DPH1: variants seen among roughly 807,000 people sequenced by gnomAD.
DPH1 encodes the protein 2-(3-amino-3-carboxypropyl)histidine synthase subunit 1.
In DPH1, 59 loss-of-function variants were observed where a neutral mutation model predicts 55.3. The observed-to-expected ratio is 1.07, with a 90% CI of 0.87 to 1.33. DPH1 has a LOEUF of 1.33. Among genes scored for constraint, DPH1 ranks in the 40% most tolerant of loss-of-function variants. The probability of loss-of-function intolerance (pLI) is 0.00; values close to 1 mark genes in which losing one functional copy is unlikely to be tolerated. For missense variants in DPH1, 628 were observed against 584.8 expected, an observed-to-expected ratio of 1.07 and a Z score of -0.76; for synonymous variants, 238 against 235.5, an observed-to-expected ratio of 1.01 and a Z score of -0.10.
rs1183479654 is a variant in DPH1 at position 2,041,162 on chromosome 17, C to G, written c.1067C>G (p.Pro356Arg). Residue 356 changes from proline (P) to arginine (R), a missense_variant, in exon 10 of 13, where the codon CCG becomes CGG. Physicochemically the swap from Pro to Arg is moderately radical, Grantham distance 103. Transcript: ENST00000263083. ...SIDWGTAFPK[P>R]LLTPYEAAVA... ...GACTGGGGCACAGCCTTCCCCAAGCCGCTGCTGACACCCTATGAGGTAACA... is the reference window on the plus strand; with the variant it reads ...GACTGGGGCACAGCCTTCCCCAAGCGGCTGCTGACACCCTATGAGGTAACA... 1 of 1,605,976 alleles carries G rather than the reference C, an allele frequency of 6.2e-7. No homozygotes were observed. Among genetic ancestry groups the G allele is most frequent in the African/African-American group, 1.3e-5 (1 of 74,970 alleles).
At chr17:2,037,057 C>A in intron 6 of DPH1, 101 bp downstream of exon 6, 1 of 1,495,414 alleles carries the variant, frequency 6.7e-7, no homozygotes, top group Non-Finnish European at 8.9e-7. Context: ...ATCTAATGCT[C>A]CTTACCTGTG....
At chr17:2,035,722 A>C (rs1247696633) in intron 3 of DPH1, among the ~76,000 whole-genome samples, 1 of 151,998 alleles carries the variant, frequency 6.6e-6, no homozygotes, top group Admixed American at 6.5e-5. Context: ...TCCCTCCTGC[A>C]GCCTGAGCCT....
chr17:2,041,289 G>A (rs2067517986), intron 10 of DPH1, 108 bp downstream of exon 10: 1 of 1,480,788 alleles, frequency 6.8e-7, no homozygotes, highest in Non-Finnish European at 9.2e-7. Context: ...CGTAGATTCC[G>A]GAGTCTGTCT....
intron 3 of DPH1, 141 bp from the exon 4 acceptor site, chr17:2,035,829 A>G (rs960987626): frequency 3.6e-5 from 47 of 1,314,874 alleles, no homozygotes; most frequent in Non-Finnish European, 4.8e-5. Flanking sequence ...CTTTGTTGGC[A>G]GAAGTGGCAG....
At position 2,033,874 on chromosome 17, in the gene DPH1, G is replaced by A. The variant is rs756942666; in HGVS notation, c.278+32G>A. 6.2e-6 allele frequency: 10 copies of A among 1,612,876 alleles called. 1 individual carries two copies. The highest frequency in any genetic ancestry group is 4.2e-6 in the Non-Finnish European group (5 of 1,179,662). On this transcript the variant is annotated intron_variant, in intron 3 of 12. Transcript: ENST00000263083. Reference sequence around the variant, plus strand: ...CTTGGGGCACTGGAGAGGAGGGTGAGCCAGGCTTCCCCCACCCCCTATGCT... The same window carrying A: ...CTTGGGGCACTGGAGAGGAGGGTGAACCAGGCTTCCCCCACCCCCTATGCT...
At chr17:2,042,092 C>T in intron 12 of DPH1, 1 of 1,568,106 alleles carries the variant, frequency 6.4e-7, no homozygotes. Flanking sequence ...TGGCGGGCTT[C>T]CGGCAGAGCG....
Position 2,042,170 on chromosome 17 carries a change from C to T in DPH1, c.*18+295C>T, listed in dbSNP as rs1279859097. The stretch of plus-strand genomic sequence containing the variant: ...TGCGGGGTCGCGCCGAGCTCGTGTG[C>T]CTCAGCGGCCCGCACCCGGTCCCCG... On this transcript the variant is annotated intron_variant, in intron 12 of 12. Transcript: ENST00000263083. 2.7e-6 allele frequency: 4 copies of T among 1,462,618 alleles called. No individual in the cohort carries two copies. The South Asian group carries it at 5.4e-5, about 20-fold the overall frequency. 90.6% of individuals were successfully genotyped at this position (1,462,618 alleles called of 1,614,324 possible). A position where few individuals can be genotyped will look rare whatever the true frequency, so the allele number is the denominator to read the frequency against.
chr17:2,036,463 GAGC>G lies in DPH1; in HGVS notation c.401-65_401-63del. ...ACTGCGCCTGGCTGCTCAGAGACCT[GAGC>G]CTGGCCGGGCCCTCTGCTGCTCCTG... On this transcript the variant is annotated intron_variant, in intron 4 of 12. Coordinates refer to ENST00000263083, the MANE Select transcript of DPH1 (RefSeq NM_001383.6). The surrounding 1 kb of genome is among the most constrained non-coding windows in gnomAD (Gnocchi z 4.8). The G allele has an allele frequency of 6.3e-7, 1 of 1,590,038 alleles. No individual in the cohort carries two copies.
intron 1 of DPH1, among the ~76,000 whole-genome samples, chr17:2,032,672 G>A (rs2067346422): frequency 6.6e-6 from 1 of 152,226 alleles, no homozygotes. Flanking sequence ...AAGGCACCAA[G>A]CAGGGAGACT....
At position 2,043,230 on chromosome 17, in the gene DPH1, C is replaced by T. The variant is rs189339345; in HGVS notation, c.*644C>T. The T allele has an allele frequency of 1.9e-5, 23 of 1,217,118 alleles. No homozygotes were observed. The highest frequency in any genetic ancestry group is 2.6e-5 in the Non-Finnish European group (23 of 878,174). 75.4% of individuals were successfully genotyped at this position (1,217,118 alleles called of 1,614,324 possible). On this transcript the variant is annotated 3_prime_UTR_variant, in exon 13 of 13. Coordinates refer to ENST00000263083, the MANE Select transcript of DPH1 (RefSeq NM_001383.6). ...CTCACCAGAACCAGTTAAGAGACAA[C>T]TATCAATTCTTGAGACCCAAATTAT...
chr17:2,041,681 CGA>C, intron 11 of DPH1, 60 bp downstream of exon 11: 1 of 1,576,716 alleles, frequency 6.3e-7, no homozygotes, highest in Non-Finnish European at 8.6e-7. Context: ...CGCCGCCCTG[CGA>C]CCGCGACGGG....
At position 2,036,009 on chromosome 17, in the gene DPH1, C is replaced by G. The variant is rs1379495464; in HGVS notation, c.318C>G (p.Thr106=). The G allele has an allele frequency of 6.2e-7, 1 of 1,613,982 alleles. No homozygotes were observed. Among genetic ancestry groups the G allele is most frequent in the Non-Finnish European group, 8.5e-7 (1 of 1,179,934 alleles). Residue 106 remains threonine, a synonymous_variant, in exon 4 of 13, where the codon ACC becomes ACG. Coordinates refer to ENST00000263083, the MANE Select transcript of DPH1 (RefSeq NM_001383.6). The surrounding 1 kb of genome is among the most constrained non-coding windows in gnomAD (Gnocchi z 4.8). ...AAGTGATGGTGATGGGTGACGTGAC[C>G]TACGGGGCTTGCTGTGTGGATGACT... ...EAEVMVMGDV[T]YGACCVDDFT... is the part of the protein sequence containing the mutation.
At chr17:2,037,213 G>T (rs1367590266) in intron 6 of DPH1, 8 of 384,544 alleles carry the variant, frequency 2.1e-5, no homozygotes, top group Non-Finnish European at 3.2e-5. Context: ...TTGAGGGTGG[G>T]CTGGAAATGG....
intron 1 of DPH1, 103 bp from the exon 2 acceptor site, chr17:2,033,402 C>T: frequency 6.4e-7 from 1 of 1,572,172 alleles, no homozygotes; most frequent in Non-Finnish European, 8.6e-7. Flanking sequence ...TATTTCTATG[C>T]TTGAGCGGGG....
At chr17:2,037,044 C>G in intron 6 of DPH1, 88 bp downstream of exon 6, 5 of 1,525,924 alleles carry the variant, frequency 3.3e-6, no homozygotes, top group Non-Finnish European at 4.4e-6. Context: ...GGAAAGAAAC[C>G]AAATCTAATG....
intron 9 of DPH1, 158 bp downstream of exon 9, chr17:2,040,763 C>G: frequency 2.7e-6 from 2 of 751,916 alleles, no homozygotes; most frequent in Non-Finnish European, 4.3e-6. Flanking sequence ...GTCATACCTG[C>G]TTTGGGACTT....
Position 2,040,973 on chromosome 17 carries a change from C to T in DPH1, c.1008-130C>T, listed in dbSNP as rs536727362. On this transcript the variant is annotated intron_variant, in intron 9 of 12. Transcript: ENST00000263083. Reference sequence around the variant, plus strand: ...CAGTATTCCAAACAGCAGTGGGTCACTGTCTTTACTTTAGGATTCATAAAG... The same window carrying T: ...CAGTATTCCAAACAGCAGTGGGTCATTGTCTTTACTTTAGGATTCATAAAG... The T allele has an allele frequency of 1.5e-4, 137 of 904,222 alleles. No individual in the cohort carries two copies. The South Asian group carries it at 1.8e-3, about 12-fold the overall frequency. 56.0% of individuals were successfully genotyped at this position (904,222 alleles called of 1,614,324 possible).
In DPH1 at chr17:2,036,742, G is replaced by C; in HGVS notation, c.558+56G>C. The stretch of plus-strand genomic sequence containing the variant: ...CAGGGTGGACAGCGGCCACTCTCCA[G>C]CTGTTGCGGGATCCCCAGGTGCTCC... On this transcript the variant is annotated intron_variant, in intron 5 of 12. Coordinates refer to ENST00000263083, the MANE Select transcript of DPH1 (RefSeq NM_001383.6). The surrounding 1 kb of genome is among the most constrained non-coding windows in gnomAD (Gnocchi z 4.8). 1 of 1,609,924 alleles carries C rather than the reference G, an allele frequency of 6.2e-7. No homozygotes were observed. Among genetic ancestry groups the C allele is most frequent in the African/African-American group, 1.3e-5 (1 of 75,002 alleles).
intron 10 of DPH1, 96 bp from the exon 11 acceptor site, chr17:2,041,385 G>T (rs1361403898): frequency 8.5e-6 from 13 of 1,523,308 alleles, no homozygotes; most frequent in Non-Finnish European, 1.1e-5. Context: ...GCAGGGGACA[G>T]TGTGCCCTTC....
Sources: allele counts gnomAD v4.1 joint callset (sites outside exome capture counted in the v4.1 genomes callset), GRCh38; gene constraint gnomAD v4.1.1; non-coding constraint Gnocchi (gnomAD v3.1); transcripts MANE v1.5; gene names NCBI Gene and HGNC (gene_info 2026-07-23, HGNC 2026-07-21).